IL1RAPL2: variants seen among roughly 807,000 people sequenced by gnomAD.
The protein encoded by IL1RAPL2 is interleukin 1 receptor accessory protein like 2.
IL1RAPL2 carries 3 observed loss-of-function variants against 44.1 expected under a neutral mutation model. The observed-to-expected ratio is 0.07, with a 90% CI of 0.03 to 0.18. The LOEUF is 0.18. IL1RAPL2 is among the 10% of genes least tolerant of loss of function. The pLI is 1.00. For synonymous variants in IL1RAPL2, 181 were observed against 178.8 expected, an observed-to-expected ratio of 1.01 and a Z score of -0.10; for missense variants, 391 against 496.4, an observed-to-expected ratio of 0.79 and a Z score of 2.02.
intron 2 of IL1RAPL2, among the ~76,000 whole-genome samples, chrX:105,140,076 C>T (rs892075374): frequency 8.9e-5 from 10 of 112,061 alleles, no homozygotes; most frequent in African/African-American, 2.6e-4. Context: ...TGATGACCTC[C>T]GACCTGAGGA....
intron 4 of IL1RAPL2, among the ~76,000 whole-genome samples, chrX:105,255,784 G>A (rs924628625): frequency 4.5e-5 from 5 of 111,868 alleles, no homozygotes; most frequent in Admixed American, 9.5e-5. Flanking sequence ...GATGTTGGCT[G>A]TGGGTTTGCC....
chrX:105,186,329 A>G (rs1370602141), intron 2 of IL1RAPL2, among the ~76,000 whole-genome samples: 1 of 111,791 alleles, frequency 8.9e-6, no homozygotes, highest in Admixed American at 9.5e-5. Flanking sequence ...GCAAATCAAT[A>G]AGGTAGGAAA....
chrX:105,693,314 G>C (rs943480690), intron 6 of IL1RAPL2, among the ~76,000 whole-genome samples: 1 of 111,858 alleles, frequency 8.9e-6, no homozygotes, highest in Non-Finnish European at 1.9e-5. Flanking sequence ...CTGGTGGCAG[G>C]TACTTGGGTC....
chrX:105,032,808 C>T lies in IL1RAPL2; in HGVS notation c.83-162667C>T, dbSNP rs184039832. Among the ~76,000 whole-genome samples, 376 of 111,056 alleles carry T rather than the reference C, an allele frequency of 3.4e-3. 1 individual carries two copies. Among genetic ancestry groups the T allele is most frequent in the Non-Finnish European group, 6.0e-3 (316 of 52,997 alleles). On this transcript the variant is annotated intron_variant, in intron 2 of 10. Coordinates refer to ENST00000372582, the MANE Select transcript of IL1RAPL2 (RefSeq NM_017416.2). ...TTAACTTTCTGTCTCGTTGATCTGT[C>T]TAATGTTGACAGTGGGGTGTTAAAG...
chrX:105,545,789 A>C (rs1226333513), intron 6 of IL1RAPL2, among the ~76,000 whole-genome samples: 1 of 111,168 alleles, frequency 9.0e-6, no homozygotes, highest in Non-Finnish European at 1.9e-5. Flanking sequence ...TTTTTCTTCA[A>C]AGTGCAGGCT....
intron 6 of IL1RAPL2, among the ~76,000 whole-genome samples, chrX:105,492,475 G>A (rs764878863): frequency 9.3e-6 from 1 of 107,817 alleles, no homozygotes; most frequent in South Asian, 3.8e-4. Context: ...AAATAATAAT[G>A]TTATTACTCT....
chrX:105,672,067 T>A (rs2037829072), intron 6 of IL1RAPL2, among the ~76,000 whole-genome samples: 1 of 112,040 alleles, frequency 8.9e-6, no homozygotes, highest in South Asian at 3.8e-4. Context: ...ACTTGATTCA[T>A]GTATCTTCAT....
intron 5 of IL1RAPL2, among the ~76,000 whole-genome samples, chrX:105,476,659 G>T (rs1298430418): frequency 8.9e-6 from 1 of 112,125 alleles, no homozygotes; most frequent in Non-Finnish European, 1.9e-5. Context: ...TAGAGAAAAT[G>T]ATTATAAAAT....
At chrX:105,735,487 T>G (rs2038440094) in intron 7 of IL1RAPL2, among the ~76,000 whole-genome samples, 1 of 111,664 alleles carries the variant, frequency 9.0e-6, no homozygotes, top group Admixed American at 9.6e-5. Flanking sequence ...CCAGGATTCC[T>G]CCCTTATAAC....
intron 2 of IL1RAPL2, among the ~76,000 whole-genome samples, chrX:104,842,521 G>A (rs980665659): frequency 6.3e-5 from 7 of 111,865 alleles, no homozygotes; most frequent in Admixed American, 1.9e-4. Context: ...CCTCATCTTC[G>A]TGGATTTATC....
At chrX:105,448,279 C>T (rs1371053010) in intron 5 of IL1RAPL2, among the ~76,000 whole-genome samples, 1 of 109,650 alleles carries the variant, frequency 9.1e-6, no homozygotes, top group East Asian at 2.8e-4. Flanking sequence ...TGATATTTTC[C>T]TCTAGGTTTT....
At chrX:105,171,296 C>T (rs181016045) in intron 2 of IL1RAPL2, among the ~76,000 whole-genome samples, 1 of 110,862 alleles carries the variant, frequency 9.0e-6, no homozygotes, top group Non-Finnish European at 1.9e-5. Flanking sequence ...ACCTCTGGGG[C>T]CCATGGTAGG....
At chrX:105,193,810 G>T (rs184382907) in intron 2 of IL1RAPL2, among the ~76,000 whole-genome samples, 15 of 111,846 alleles carry the variant, frequency 1.3e-4, no homozygotes, top group African/African-American at 4.9e-4. Context: ...AATCCTCGAA[G>T]AAAGTTTAGA....
intron 5 of IL1RAPL2, among the ~76,000 whole-genome samples, chrX:105,379,330 G>A (rs144978668): frequency 9.0e-6 from 1 of 111,288 alleles, no homozygotes; most frequent in Non-Finnish European, 1.9e-5. Context: ...ATATTACTCA[G>A]AATTTGTCAG....
intron 6 of IL1RAPL2, among the ~76,000 whole-genome samples, chrX:105,624,908 G>C (rs2147832606): frequency 8.9e-6 from 1 of 112,076 alleles, no homozygotes; most frequent in South Asian, 3.7e-4. Context: ...TAATATGTGG[G>C]AAAGAACCTG....
intron 2 of IL1RAPL2, among the ~76,000 whole-genome samples, chrX:105,117,942 T>G (rs1397094495): frequency 2.7e-5 from 3 of 111,850 alleles, no homozygotes; most frequent in Non-Finnish European, 5.6e-5. Context: ...ATTAATATCA[T>G]TTAGGTACAT....
At chrX:105,127,775 C>A (rs1237066898) in intron 2 of IL1RAPL2, among the ~76,000 whole-genome samples, 2 of 110,799 alleles carry the variant, frequency 1.8e-5, no homozygotes, top group Non-Finnish European at 3.8e-5. Flanking sequence ...TTATTTAATA[C>A]CTTTAACAGT....
intron 6 of IL1RAPL2, among the ~76,000 whole-genome samples, chrX:105,688,079 A>G (rs2037998933): frequency 8.9e-6 from 1 of 111,736 alleles, no homozygotes; most frequent in Non-Finnish European, 1.9e-5. Context: ...TCTCAAAATA[A>G]TAAGAGCTAT....
chrX:104,993,300 G>A (rs2030696382), intron 2 of IL1RAPL2, among the ~76,000 whole-genome samples: 1 of 111,429 alleles, frequency 9.0e-6, no homozygotes, highest in Non-Finnish European at 1.9e-5. Flanking sequence ...AAGTTCAGCT[G>A]TTATTTTTGG....
Sources: allele counts gnomAD v4.1 joint callset (sites outside exome capture counted in the v4.1 genomes callset), GRCh38; gene constraint gnomAD v4.1.1; transcripts MANE v1.5; gene names NCBI Gene and HGNC (gene_info 2026-07-23, HGNC 2026-07-21).